The following TMEM9 variants were observed in gnomAD, a reference collection of about 807,000 sequenced individuals.
The protein encoded by TMEM9 is transmembrane protein 9.
A neutral mutation model predicts 22.8 loss-of-function variants in TMEM9; 13 were observed. That is an observed-to-expected ratio of 0.57 (90% CI 0.37 to 0.91). TMEM9 has a LOEUF of 0.91. Among genes scored for constraint, TMEM9 ranks in the 40% least tolerant of loss-of-function variants. The pLI is 0.01. For synonymous variants in TMEM9, 88 were observed against 93.0 expected (o/e 0.95, Z 0.31); for missense variants, 182 against 238.1 (o/e 0.76, Z 1.55).
chr1:201,138,997 A>G (rs1428491785), intron 4 of TMEM9, among the ~76,000 whole-genome samples: 1 of 152,226 alleles, frequency 6.6e-6, no homozygotes, highest in Non-Finnish European at 1.5e-5. Flanking sequence ...AATGCTCAGG[A>G]CATCAAGCGA....
intron 1 of TMEM9, among the ~76,000 whole-genome samples, chr1:201,166,328 C>T (rs1376868044): frequency 6.6e-6 from 1 of 150,684 alleles, no homozygotes; most frequent in African/African-American, 2.4e-5. Context: ...TTTCCAAGTC[C>T]ATCTAGTATT....
rs1665457579 is a variant in TMEM9, at chr1:201,151,942, C to T, written c.67-90G>A. The T allele has an allele frequency of 7.2e-6, 7 of 965,616 alleles. No individual in the cohort carries two copies. The East Asian group carries it at 1.4e-4, about 20-fold the overall frequency. 59.8% of individuals were successfully genotyped at this position (965,616 alleles called of 1,614,324 possible). A position where few individuals can be genotyped will look rare whatever the true frequency, so the allele number is the denominator to read the frequency against. Reference sequence around the variant, plus strand: ...TAGCAAGGTTGTCAACTTTCTGTTCCCCATCCTGTTAGGTGAACCATATCT... The same window carrying T: ...TAGCAAGGTTGTCAACTTTCTGTTCTCCATCCTGTTAGGTGAACCATATCT... On this transcript the variant is annotated intron_variant, in intron 1 of 4. Transcript: ENST00000367330.
chr1:201,150,653 T>C (rs1048214145), intron 2 of TMEM9, among the ~76,000 whole-genome samples: 1 of 152,178 alleles, frequency 6.6e-6, no homozygotes, highest in South Asian at 2.1e-4. Context: ...TCACCGACAG[T>C]CTCAGAGTTG....
At chr1:201,159,576 T>A (rs1482781189) in intron 1 of TMEM9, among the ~76,000 whole-genome samples, 1 of 9,296 alleles carries the variant, frequency 1.1e-4, no homozygotes, top group African/African-American at 1.7e-4. Flanking sequence ...CAATTAAACC[T>A]TTTTTTTTTT....
At position 201,135,550 on chromosome 1, in the gene TMEM9, G is replaced by C; in HGVS notation, c.*113C>G. The C allele has an allele frequency of 8.6e-7, 1 of 1,165,478 alleles. No homozygotes were observed. Among genetic ancestry groups the C allele is most frequent in the Non-Finnish European group, 1.2e-6 (1 of 855,816 alleles). The allele number at this position is 1,165,478 out of a possible 1,614,324, so 72.2% of individuals were successfully genotyped here. On this transcript the variant is annotated 3_prime_UTR_variant, in exon 5 of 5. Transcript: ENST00000367330. ...GGGAGAAGGAGGAAAAATGCCACAG[G>C]CTTTTAAAGGGAAGACTGGAACCGA...
intron 4 of TMEM9, among the ~76,000 whole-genome samples, chr1:201,138,495 G>C (rs1224501209): frequency 6.6e-6 from 1 of 152,192 alleles, no homozygotes; most frequent in Non-Finnish European, 1.5e-5. Flanking sequence ...AATGCCACCA[G>C]TTCCTCCCCT....
At chr1:201,142,701 T>C (rs1426550645) in intron 4 of TMEM9, among the ~76,000 whole-genome samples, 1 of 151,984 alleles carries the variant, frequency 6.6e-6, no homozygotes, top group African/African-American at 2.4e-5. Context: ...TAAACAGGAG[T>C]ATCTTCCAGC....
At chr1:201,152,028 G>C (rs1209513921) in intron 1 of TMEM9, among the ~76,000 whole-genome samples, 176 bp from the exon 2 acceptor site, 1 of 152,216 alleles carries the variant, frequency 6.6e-6, no homozygotes. Context: ...ACTGTAGGAA[G>C]CAAGCTGCAG....
At chr1:201,164,656 G>C (rs1482325725) in intron 1 of TMEM9, among the ~76,000 whole-genome samples, 2 of 152,172 alleles carry the variant, frequency 1.3e-5, no homozygotes, top group East Asian at 3.8e-4. Flanking sequence ...GGATCCAATA[G>C]AGAAATGGTA....
chr1:201,166,474 T>G (rs1468928122), intron 1 of TMEM9, among the ~76,000 whole-genome samples: 1 of 152,054 alleles, frequency 6.6e-6, no homozygotes, highest in African/African-American at 2.4e-5. Flanking sequence ...GCAATTCTTG[T>G]GCCTCAGCCT....
At chr1:201,137,179 C>T (rs777244277) in intron 4 of TMEM9, among the ~76,000 whole-genome samples, 14 of 152,222 alleles carry the variant, frequency 9.2e-5, no homozygotes, top group African/African-American at 2.2e-4. Flanking sequence ...CACGTGTGGC[C>T]ATGTCAGGCA....
chr1:201,154,191 A>C lies in TMEM9; in HGVS notation c.-268T>G. On this transcript the variant is annotated 5_prime_UTR_variant, in exon 1 of 5. Transcript: ENST00000367330. Reference sequence around the variant, plus strand: ...GGGTCCTCGAGGGGACACCGCTGCCAGGGGCCTCCAGTTCCTTCTCAAGGC... The same window carrying C: ...GGGTCCTCGAGGGGACACCGCTGCCCGGGGCCTCCAGTTCCTTCTCAAGGC... 1 of 426,048 alleles carries C rather than the reference A, an allele frequency of 2.3e-6. No homozygotes were observed. Among genetic ancestry groups the C allele is most frequent in the Non-Finnish European group, 4.2e-6 (1 of 236,648 alleles). The allele number at this position is 426,048 out of a possible 1,614,324, so 26.4% of individuals were successfully genotyped here. A position where few individuals can be genotyped will look rare whatever the true frequency, so the allele number is the denominator to read the frequency against.
At chr1:201,149,446 A>G (rs1374717564) in intron 2 of TMEM9, among the ~76,000 whole-genome samples, 1 of 152,206 alleles carries the variant, frequency 6.6e-6, no homozygotes, top group Non-Finnish European at 1.5e-5. Context: ...CAAGTTTGAA[A>G]GGCAAGGAAC....
At chr1:201,142,026 T>A (rs1664568349) in intron 4 of TMEM9, among the ~76,000 whole-genome samples, 1 of 152,150 alleles carries the variant, frequency 6.6e-6, no homozygotes, top group African/African-American at 2.4e-5. Flanking sequence ...GCGATGCTCC[T>A]CCCCTATCAG....
At chr1:201,154,589 C>T (rs1455729255), upstream of TMEM9, 1 of 152,270 alleles carries the variant, frequency 6.6e-6, no homozygotes, top group Admixed American at 6.5e-5. Flanking sequence ...GACTCTTGCG[C>T]AAGGGAGAGG....
intron 4 of TMEM9, among the ~76,000 whole-genome samples, chr1:201,140,220 C>T (rs1006941609): frequency 1.3e-5 from 2 of 152,212 alleles, no homozygotes; most frequent in African/African-American, 4.8e-5. Context: ...ACCCACTGCC[C>T]CAGCAGGGTG....
intron 1 of TMEM9, among the ~76,000 whole-genome samples, chr1:201,165,150 T>TTATATATATATATATATATA (rs57281429): frequency 0.014 from 1,233 of 86,488 alleles, 47 homozygotes; most frequent in Middle Eastern, 0.024. Context: ...TAAGAGAAAA[T>TTATATATATATATATATATA]TATATATATA....
chr1:201,144,027 T>C (rs1208611469), intron 3 of TMEM9, 76 bp from the exon 4 acceptor site: 1 of 1,548,186 alleles, frequency 6.5e-7, no homozygotes, highest in Non-Finnish European at 8.8e-7. Context: ...TCTTGGGCCA[T>C]CTGTGTCCGG....
upstream of TMEM9, among the ~76,000 whole-genome samples, chr1:201,157,313 C>T (rs1309162803): frequency 6.6e-6 from 1 of 152,104 alleles, no homozygotes; most frequent in Non-Finnish European, 1.5e-5. Flanking sequence ...CCATGTTGCC[C>T]AGTTCTTTCT....
Sources: allele counts gnomAD v4.1 joint callset (sites outside exome capture counted in the v4.1 genomes callset), GRCh38; gene constraint gnomAD v4.1.1; transcripts MANE v1.5; gene names NCBI Gene and HGNC (gene_info 2026-07-23, HGNC 2026-07-21).